SMG1: variants seen among roughly 807,000 people sequenced by gnomAD.
The protein encoded by SMG1 is serine/threonine-protein kinase SMG1.
SMG1 carries 22 observed loss-of-function variants against 419.9 expected under a neutral mutation model. That is an observed-to-expected ratio of 0.05 (90% CI 0.04 to 0.07). SMG1 has a LOEUF of 0.07. Among genes scored for constraint, SMG1 ranks in the 10% least tolerant of loss-of-function variants. SMG1 has a pLI of 1.00. For synonymous variants in SMG1, 1,538 were observed against 1,553.5 expected (o/e 0.99, Z 0.23); for missense variants, 3,185 against 4,342.0 (o/e 0.73, Z 7.49).
intron 10 of SMG1, among the ~76,000 whole-genome samples, chr16:18,880,967 G>GAA (rs71141085): frequency 1.1e-4 from 12 of 107,098 alleles, no homozygotes; most frequent in Middle Eastern, 4.9e-3. Flanking sequence ...ACTTTAAAAA[G>GAA]AAAAAAAAAA....
chr16:18,809,457 A>G lies in SMG1; in HGVS notation c.*112T>C, dbSNP rs1193428158. 5.2e-6 allele frequency: 4 copies of G among 770,528 alleles called. No individual in the cohort carries two copies. Among genetic ancestry groups the G allele is most frequent in the Non-Finnish European group, 9.0e-6 (4 of 442,390 alleles). 47.7% of individuals were successfully genotyped at this position (770,528 alleles called of 1,614,324 possible). A position where few individuals can be genotyped will look rare whatever the true frequency, so the allele number is the denominator to read the frequency against. ...AGATTTCCTAGGTTTCCTCAGAGTAAGCCCCCAGTTGCATCACCACCGACT... is the reference window on the plus strand; with the variant it reads ...AGATTTCCTAGGTTTCCTCAGAGTAGGCCCCCAGTTGCATCACCACCGACT... On this transcript the variant is annotated 3_prime_UTR_variant, in exon 63 of 63. Transcript: ENST00000446231.
Position 18,837,456 on chromosome 16 carries a change from A to T in SMG1, c.7414-13T>A, listed in dbSNP as rs773567720. 6 of 1,605,760 alleles carry T rather than the reference A, an allele frequency of 3.7e-6. No individual in the cohort carries two copies. The South Asian group carries it at 6.7e-5, about 18-fold the overall frequency. ...TAAACCAGTTCACCTGTAAAAAGAT[A>T]TTACGATTAAGAAGACTCTTACAGG... On this transcript the variant is annotated splice_polypyrimidine_tract_variant and intron_variant, in intron 45 of 62. Coordinates refer to ENST00000446231, the MANE Select transcript of SMG1 (RefSeq NM_015092.5).
intron 57 of SMG1, 39 bp from the exon 58 acceptor site, chr16:18,816,568 C>T (rs751408447): frequency 6.5e-7 from 1 of 1,544,688 alleles, no homozygotes; most frequent in Admixed American, 1.8e-5. Context: ...CGAGTATCAG[C>T]TGAAATAATG....
Position 18,850,122 on chromosome 16 carries a change from G to A in SMG1, c.5288C>T (p.Pro1763Leu). Residue 1763 changes from proline (P) to leucine (L), a missense_variant, in exon 35 of 63, where the codon CCT (proline) becomes CTT (leucine). Physicochemically the swap from Pro to Leu is moderately conservative, Grantham distance 98 (BLOSUM62 -3). Transcript: ENST00000446231. Reference protein sequence around the residue: ...TFLKLNAGQIPLDEDDPRLHL... With the variant: ...TFLKLNAGQILLDEDDPRLHL... Reference sequence around the variant, plus strand: ...CAGCCTAGGGTCATCCTCATCTAAAGGAATCTAAGAGTGAAAGATGAGGGG... The same window carrying A: ...CAGCCTAGGGTCATCCTCATCTAAAAGAATCTAAGAGTGAAAGATGAGGGG... 2 of 1,612,556 alleles carry A rather than the reference G, an allele frequency of 1.2e-6. No individual in the cohort carries two copies. The highest frequency in any genetic ancestry group is 1.7e-6 in the Non-Finnish European group (2 of 1,179,178).
At chr16:18,860,243 A>C (rs1226649996) in intron 26 of SMG1, among the ~76,000 whole-genome samples, 1 of 152,188 alleles carries the variant, frequency 6.6e-6, no homozygotes, top group Non-Finnish European at 1.5e-5. Flanking sequence ...CGGTAAGTCA[A>C]TCTACTATTT....
chr16:18,878,007 T>C (rs999410535), intron 11 of SMG1: 1 of 152,218 alleles, frequency 6.6e-6, no homozygotes, highest in Non-Finnish European at 1.5e-5. Context: ...TTATAGAAGC[T>C]GAGTGTTAAA....
At position 18,841,838 on chromosome 16, in the gene SMG1, G is replaced by GCAA. The variant is rs765623601; in HGVS notation, c.6467-45_6467-44insTTG. ...AATAGCTAGGATAGGTGATTAAACA[G>GCAA]GGTTGGGAGCATACCACTCCTCTTT... On this transcript the variant is annotated intron_variant, in intron 40 of 62. Coordinates refer to ENST00000446231, the MANE Select transcript of SMG1 (RefSeq NM_015092.5). The GCAA allele has an allele frequency of 1.9e-5, 29 of 1,537,144 alleles. No homozygotes were observed. The Admixed American group carries it at 4.8e-4, about 26-fold the overall frequency.
At chr16:18,845,385 CTG>C (rs1225122103) in intron 39 of SMG1, 42 bp downstream of exon 39, 1 of 1,529,032 alleles carries the variant, frequency 6.5e-7, no homozygotes, top group Non-Finnish European at 9.0e-7. Context: ...CTCATGGGAA[CTG>C]TGATGTGCCA....
rs1039597276 is a variant in SMG1, at chr16:18,875,984, T to C, written c.1890+140A>G. ...AAAACATTCCTACCAATTTTATTTA[T>C]CCAGGCATGTCTTAAATATGGCTGT... On this transcript the variant is annotated intron_variant, in intron 13 of 62. Coordinates refer to ENST00000446231, the MANE Select transcript of SMG1 (RefSeq NM_015092.5). 2.9e-5 allele frequency: 25 copies of C among 853,958 alleles called. No homozygotes were observed. In the African/African-American group the frequency reaches 3.9e-4, roughly 13 times the overall value. The allele number at this position is 853,958 out of a possible 1,614,324, so 52.9% of individuals were successfully genotyped here.
chr16:18,858,405 T>C (rs2035034969), intron 28 of SMG1, 115 bp from the exon 29 acceptor site: 1 of 844,082 alleles, frequency 1.2e-6, no homozygotes, highest in South Asian at 2.1e-5. Context: ...TCAGATTGAT[T>C]GCAGTAGTTT....
chr16:18,865,362 G>C (rs1468141980), intron 23 of SMG1, among the ~76,000 whole-genome samples: 1 of 152,046 alleles, frequency 6.6e-6, no homozygotes, highest in Non-Finnish European at 1.5e-5. Context: ...TGAAGGGAAG[G>C]GGGTACTCTA....
rs375879430 is a variant in SMG1 at position 18,858,206 on chromosome 16, T to C, written c.4198A>G (p.Thr1400Ala). 1.3e-5 allele frequency: 21 copies of C among 1,596,398 alleles called. No homozygotes were observed. In the African/African-American group the frequency reaches 2.1e-4, roughly 16 times the overall value. The change falls in exon 29 of 63, where the codon ACT becomes GCT. Residue 1400 changes from threonine (T) to alanine (A), a missense_variant. Physicochemically the swap from Thr to Ala is moderately conservative, Grantham distance 58. Around this residue, in one of 27 missense-constraint regions of SMG1, gnomAD observed 493 missense variants for 552.9 expected, o/e 0.89. Coordinates refer to ENST00000446231, the MANE Select transcript of SMG1 (RefSeq NM_015092.5). ...TCCAACAACTGATTCTGGTACATAG[T>C]ATACCTTAATGCCTGCATCCATGGC... is the stretch of plus-strand genomic sequence containing the variant. ...VRPWMQALRY[T>A]MYQNQLLEKI...
chr16:18,875,091 C>T (rs533227502), intron 13 of SMG1: 18 of 152,364 alleles, frequency 1.2e-4, no homozygotes, highest in African/African-American at 3.6e-4. Context: ...GTTTCATAGA[C>T]ACCTTCTATT....
chr16:18,864,950 A>G (rs537158784), intron 23 of SMG1, among the ~76,000 whole-genome samples: 1 of 152,354 alleles, frequency 6.6e-6, no homozygotes, highest in East Asian at 1.9e-4. Context: ...AAAAAAATGT[A>G]AGACAGTATA....
rs1011587688 is a variant in SMG1, at chr16:18,852,370, C to T, written c.4861G>A (p.Ala1621Thr). The T allele has an allele frequency of 9.9e-6, 16 of 1,613,760 alleles. No homozygotes were observed. The Admixed American group carries it at 2.7e-4, about 27-fold the overall frequency. Residue 1621 changes from alanine to threonine, a missense_variant, in exon 32 of 63, where the codon GCG (alanine) becomes ACG (threonine). By Grantham distance (58) the Ala-to-Thr change is moderately conservative. Coordinates refer to ENST00000446231, the MANE Select transcript of SMG1 (RefSeq NM_015092.5). ...QAPEVAKSWA[A>T]LASWAYRWGR... Reference sequence around the variant, plus strand: ...CACCTATAAGCCCAGCTGGCCAACGCTGCCCAAGATTTGGCTACTTCAGGT... The same window carrying T: ...CACCTATAAGCCCAGCTGGCCAACGTTGCCCAAGATTTGGCTACTTCAGGT...
Position 18,850,120 on chromosome 16 carries a change from A to AGAATCT in SMG1, c.5289_5290insAGATTC (p.Pro1763_Leu1764insArgPhe). ...TGCAGCCTAGGGTCATCCTCATCTA[A>AGAATCT]AGGAATCTAAGAGTGAAAGATGAGG... On this transcript the variant is annotated inframe_insertion, in exon 35 of 63. Coordinates refer to ENST00000446231, the MANE Select transcript of SMG1 (RefSeq NM_015092.5). 1.2e-6 allele frequency: 2 copies of AGAATCT among 1,612,680 alleles called. No individual in the cohort carries two copies. The highest frequency in any genetic ancestry group is 1.7e-6 in the Non-Finnish European group (2 of 1,179,178).
At position 18,816,400 on chromosome 16, in the gene SMG1, C is replaced by T; in HGVS notation, c.10204G>A (p.Glu3402Lys). 2 of 1,613,922 alleles carry T rather than the reference C, an allele frequency of 1.2e-6. No individual in the cohort carries two copies. The highest frequency in any genetic ancestry group is 1.7e-6 in the Non-Finnish European group (2 of 1,179,852). The change falls in exon 58 of 63, where the codon GAA (glutamate) becomes AAA (lysine). Residue 3402 changes from glutamate to lysine, a missense_variant. Glu to Lys is a moderately conservative substitution (Grantham distance 56). Coordinates refer to ENST00000446231, the MANE Select transcript of SMG1 (RefSeq NM_015092.5). ...EKEQQIETVC[E>K]TIQNLVDNIK... ...TTATCAACCAGATTCTGAATTGTTT[C>T]ACAGACCGTTTCTATCTGCTGCTCT...
In SMG1 at chr16:18,838,038, A is replaced by C; in HGVS notation, c.7389T>G (p.Phe2463Leu). ...CCTTAATCTCAGCTACTCTAGAAGA[A>C]AACAGGCTGCGGGTGATCTCTCGCT... ...EMEREITRSL[F>L]SSRVAEIKVN... Residue 2463 changes from phenylalanine (F) to leucine (L), a missense_variant, in exon 45 of 63, where the codon TTT (phenylalanine) becomes TTG (leucine). Phe to Leu is a conservative substitution (Grantham distance 22). Coordinates refer to ENST00000446231, the MANE Select transcript of SMG1 (RefSeq NM_015092.5). 6.2e-7 allele frequency: 1 copy of C among 1,613,994 alleles called. No individual in the cohort carries two copies. The highest frequency in any genetic ancestry group is 8.5e-7 in the Non-Finnish European group (1 of 1,179,896).
chr16:18,894,488 C>T (rs1204574154), intron 3 of SMG1, among the ~76,000 whole-genome samples: 3 of 152,088 alleles, frequency 2.0e-5, no homozygotes, highest in South Asian at 2.1e-4. Context: ...ACTTTAGAGT[C>T]GCTGTTTAGC....
Sources: allele counts gnomAD v4.1 joint callset (sites outside exome capture counted in the v4.1 genomes callset), GRCh38; gene constraint gnomAD v4.1.1; regional missense constraint gnomAD v4.1.1; transcripts MANE v1.5; gene names NCBI Gene and HGNC (gene_info 2026-07-23, HGNC 2026-07-21).